The following BAZ2B variants were observed in gnomAD, a reference collection of about 807,000 sequenced individuals.
BAZ2B encodes the protein bromodomain adjacent to zinc finger domain protein 2B.
A neutral mutation model predicts 246.0 loss-of-function variants in BAZ2B; 91 were observed. The observed-to-expected ratio is 0.37, with a 90% CI of 0.31 to 0.44. The LOEUF is 0.44. BAZ2B is among the 20% of genes least tolerant of loss of function. BAZ2B has a pLI of 1.00. For synonymous variants in BAZ2B, 855 were observed against 860.0 expected (o/e 0.99, Z 0.10); for missense variants, 2,332 against 2,533.7 (o/e 0.92, Z 1.71).
At chr2:159,457,800 T>G (rs766719771) in intron 3 of BAZ2B, among the ~76,000 whole-genome samples, 2 of 151,964 alleles carry the variant, frequency 1.3e-5, no homozygotes, top group African/African-American at 2.4e-5. Context: ...CATCAATACC[T>G]CTCCTGTGTT....
At chr2:159,632,331 C>T in the BAZ2B span, among the ~76,000 whole-genome samples, 2 of 152,086 alleles carry the variant, frequency 1.3e-5, no homozygotes, top group Non-Finnish European at 2.9e-5. Flanking sequence ...ATGTGCTGGG[C>T]CTGATTCTGC....
intron 3 of BAZ2B, chr2:159,460,296 A>C (rs2076247434): frequency 6.6e-6 from 1 of 152,086 alleles, no homozygotes; most frequent in South Asian, 2.1e-4. Flanking sequence ...TAATGCCTTG[A>C]CTCTAAACTA....
chr2:159,690,631 C>A, the BAZ2B span, among the ~76,000 whole-genome samples: 2 of 152,080 alleles, frequency 1.3e-5, no homozygotes, highest in African/African-American at 4.8e-5. Flanking sequence ...CACACTGTAT[C>A]TTTTCAGTAA....
Position 159,438,330 on chromosome 2 carries a change from T to C in BAZ2B, c.1266A>G (p.Leu422=). ...GNKNTSEESS[L]LTSELRSKRE... ...GTTTGGATCTCAATTCACTGGTCAATAAACTAGATTCTTCAGAGGTATTTT... is the reference window on the plus strand; with the variant it reads ...GTTTGGATCTCAATTCACTGGTCAACAAACTAGATTCTTCAGAGGTATTTT... The change falls in exon 8 of 37, where the codon TTA becomes TTG. Residue 422 remains leucine (L), a synonymous_variant. Coordinates refer to ENST00000392783, the MANE Select transcript of BAZ2B (RefSeq NM_013450.4). 6.2e-7 allele frequency: 1 copy of C among 1,613,834 alleles called. No individual in the cohort carries two copies. The highest frequency in any genetic ancestry group is 8.5e-7 in the Non-Finnish European group (1 of 1,179,908).
In BAZ2B at chr2:159,337,750, G is replaced by T. The variant is rs1380746842; in HGVS notation, c.5477C>A (p.Ala1826Glu). 6.2e-7 allele frequency: 1 copy of T among 1,614,018 alleles called. No homozygotes were observed. Among genetic ancestry groups the T allele is most frequent in the Non-Finnish European group, 8.5e-7 (1 of 1,179,948 alleles). Residue 1826 changes from alanine (A) to glutamate (E), a missense_variant, in exon 32 of 37, where the codon GCA (alanine) becomes GAA (glutamate). Coordinates refer to ENST00000392783, the MANE Select transcript of BAZ2B (RefSeq NM_013450.4). ...QVKGWMCPEPASEREDLVYFE... is the reference protein window; with the variant it reads ...QVKGWMCPEPESEREDLVYFE... ...ATATACCAAGTCCTCCCTTTCTGAT[G>T]CAGGCTCTGGACACATCCAACCCTA...
chr2:159,469,094 A>T (rs971460984), intron 3 of BAZ2B, among the ~76,000 whole-genome samples: 4 of 151,124 alleles, frequency 2.6e-5, no homozygotes, highest in Non-Finnish European at 2.9e-5. Context: ...AATCATACCC[A>T]TAGAAAAACA....
At chr2:159,493,489 G>A (rs924502639) in intron 2 of BAZ2B, among the ~76,000 whole-genome samples, 27 of 152,144 alleles carry the variant, frequency 1.8e-4, no homozygotes, top group African/African-American at 5.8e-4. Context: ...CCTTATTAAA[G>A]TTTTCTTCAG....
intron 31 of BAZ2B, among the ~76,000 whole-genome samples, chr2:159,342,893 T>C (rs1199609115): frequency 6.6e-6 from 1 of 152,210 alleles, no homozygotes; most frequent in Non-Finnish European, 1.5e-5. Flanking sequence ...ACTAATGATA[T>C]TCTTCACAGA....
At chr2:159,368,639 A>G (rs1216283853) in intron 27 of BAZ2B, among the ~76,000 whole-genome samples, 1 of 152,194 alleles carries the variant, frequency 6.6e-6, no homozygotes, top group African/African-American at 2.4e-5. Context: ...AATGACCACA[A>G]ATAAGAGTAT....
chr2:159,457,178 T>C (rs1278652851), intron 3 of BAZ2B, among the ~76,000 whole-genome samples: 1 of 152,188 alleles, frequency 6.6e-6, no homozygotes, highest in East Asian at 1.9e-4. Flanking sequence ...TCAGGTGCTA[T>C]GCTTAAGTAA....
intron 8 of BAZ2B, chr2:159,433,966 T>A (rs910919653): frequency 6.6e-6 from 1 of 152,444 alleles, no homozygotes; most frequent in Non-Finnish European, 1.5e-5. Flanking sequence ...TAGCCTAAAG[T>A]TGAGCAAAAT....
chr2:159,328,558 C>T (rs541734560), intron 34 of BAZ2B, among the ~76,000 whole-genome samples: 22 of 152,250 alleles, frequency 1.4e-4, no homozygotes, highest in Admixed American at 1.4e-3. Context: ...GAACATGGGG[C>T]CCACATTCCT....
At chr2:159,433,634 C>T (rs2071569336) in intron 8 of BAZ2B, 2 of 268,860 alleles carry the variant, frequency 7.4e-6, no homozygotes, top group Admixed American at 9.7e-5. Flanking sequence ...TCCATTTTCA[C>T]AATAATCCAA....
In BAZ2B at chr2:159,332,522, G is replaced by C. The variant is rs773329005; in HGVS notation, c.5943+18C>G. The C allele has an allele frequency of 1.3e-6, 2 of 1,578,184 alleles. No homozygotes were observed. Among genetic ancestry groups the C allele is most frequent in the Non-Finnish European group, 1.7e-6 (2 of 1,167,624 alleles). On this transcript the variant is annotated intron_variant, in intron 34 of 36. Transcript: ENST00000392783. Reference sequence around the variant, plus strand: ...AAGATAAAATAAAATGAAAAGTTTAGTTTTAGATTGGTCTTACCTTAGCAA... The same window carrying C: ...AAGATAAAATAAAATGAAAAGTTTACTTTTAGATTGGTCTTACCTTAGCAA...
chr2:159,492,849 G>C (rs564694563), intron 2 of BAZ2B, among the ~76,000 whole-genome samples: 13 of 152,210 alleles, frequency 8.5e-5, no homozygotes, highest in South Asian at 2.1e-4. Flanking sequence ...CAGAATTATA[G>C]TATTTTTGTT....
At chr2:159,503,082 T>C (rs1380388993) in intron 2 of BAZ2B, among the ~76,000 whole-genome samples, 1 of 152,196 alleles carries the variant, frequency 6.6e-6, no homozygotes, top group Non-Finnish European at 1.5e-5. Context: ...CAATACTGTT[T>C]CTACCAAGAG....
chr2:159,346,126 G>C (rs1465754656), intron 31 of BAZ2B, among the ~76,000 whole-genome samples: 1 of 152,170 alleles, frequency 6.6e-6, no homozygotes, highest in East Asian at 1.9e-4. Context: ...TATAGAACCT[G>C]GAGGAGGAGA....
At position 159,349,050 on chromosome 2, in the gene BAZ2B, T is replaced by C; in HGVS notation, c.5094A>G (p.Val1698=). The change falls in exon 29 of 37, where the codon GTA becomes GTG. Residue 1698 remains valine, a synonymous_variant. Transcript: ENST00000392783. ...GACTAGGAAAATCTACTGGTTTTGCTACTTCAACAGCTGCAGGTTGAGCTG... is the reference window on the plus strand; with the variant it reads ...GACTAGGAAAATCTACTGGTTTTGCCACTTCAACAGCTGCAGGTTGAGCTG... ...ATSAQPAAVE[V]AKPVDFPSPK... The C allele has an allele frequency of 6.2e-7, 1 of 1,614,184 alleles. No homozygotes were observed. The highest frequency in any genetic ancestry group is 1.1e-5 in the South Asian group (1 of 91,088).
At chr2:159,617,603 G>A (rs891105909), upstream of BAZ2B, among the ~76,000 whole-genome samples, 3 of 151,880 alleles carry the variant, frequency 2.0e-5, no homozygotes, top group South Asian at 4.2e-4. Context: ...TTAAGCTATC[G>A]GAGAATAATT....
Sources: allele counts gnomAD v4.1 joint callset (sites outside exome capture counted in the v4.1 genomes callset), GRCh38; gene constraint gnomAD v4.1.1; transcripts MANE v1.5; gene names NCBI Gene and HGNC (gene_info 2026-07-23, HGNC 2026-07-21).